Variants in BBS2 observed in about 807,000 individuals in gnomAD.
BBS2 encodes Bardet-Biedl syndrome 2.
A neutral mutation model predicts 83.0 loss-of-function variants in BBS2; 62 were observed. That is an observed-to-expected ratio of 0.75 (90% CI 0.61 to 0.92). BBS2 has a LOEUF of 0.92. BBS2 is among the 40% of genes least tolerant of loss of function. The pLI, the probability that BBS2 is intolerant of heterozygous loss-of-function variation, is 0.00. For synonymous variants in BBS2, 303 were observed against 326.1 expected (o/e 0.93, Z 0.76); for missense variants, 784 against 901.0 (o/e 0.87, Z 1.66).
At chr16:56,519,004 T>C (rs551984073) in intron 1 of BBS2, among the ~76,000 whole-genome samples, 2 of 152,258 alleles carry the variant, frequency 1.3e-5, no homozygotes, top group African/African-American at 4.8e-5. Flanking sequence ...TAAGTTAATT[T>C]TTGTATTGCA....
rs2144162792 is a variant in BBS2 at position 56,506,131 on chromosome 16, A to G, written c.706T>C (p.Trp236Arg). 6.2e-6 allele frequency: 10 copies of G among 1,613,692 alleles called. No individual in the cohort carries two copies. The highest frequency in any genetic ancestry group is 8.5e-6 in the Non-Finnish European group (10 of 1,179,590). The part of the protein sequence containing the change: ...VGVYDKTSRY[W>R]RIKSKNHAMS... ...TAAATTATACTAACTTTAATTCTCCAGTATCGGGATGTTTTGTCATAAACT... is the reference window on the plus strand; with the variant it reads ...TAAATTATACTAACTTTAATTCTCCGGTATCGGGATGTTTTGTCATAAACT... The change falls in exon 6 of 17, where the codon TGG becomes CGG. Residue 236 changes from tryptophan to arginine, a missense_variant. Transcript: ENST00000245157.
chr16:56,479,902 G>A (rs1371823196), downstream of BBS2, among the ~76,000 whole-genome samples: 1 of 152,158 alleles, frequency 6.6e-6, no homozygotes, highest in African/African-American at 2.4e-5. Context: ...CATCCTCACG[G>A]GCTCCAGCCC....
At position 56,501,736 on chromosome 16, in the gene BBS2, T is replaced by C. The variant is rs888907234; in HGVS notation, c.1081-239A>G. On this transcript the variant is annotated intron_variant, in intron 9 of 16. Transcript: ENST00000245157. ...GGGTATGGTCCACTGTATCCCATCATGACTTTAACATTTTTGAAGTATTGT... is the reference window on the plus strand; with the variant it reads ...GGGTATGGTCCACTGTATCCCATCACGACTTTAACATTTTTGAAGTATTGT... 1.3e-5 allele frequency: 7 copies of C among 549,828 alleles called. No homozygotes were observed. In the African/African-American group the frequency reaches 1.3e-4, roughly 10 times the overall value. The allele number at this position is 549,828 out of a possible 1,614,324, so 34.1% of individuals were successfully genotyped here.
chr16:56,476,088 C>G (rs929393934), intron 17 of BBS2: 2 of 1,613,868 alleles, frequency 1.2e-6, no homozygotes, highest in Non-Finnish European at 1.7e-6. Context: ...CATTGGTCTA[C>G]AGAGACAGAG....
chr16:56,496,465 A>G (rs8049949), intron 15 of BBS2, among the ~76,000 whole-genome samples: 25,520 of 152,006 alleles, frequency 0.17, 2,318 homozygotes, highest in East Asian at 0.27. Context: ...TGTTTCCCAA[A>G]CTATAGTTTA....
chr16:56,503,169 C>T (rs541570502), intron 7 of BBS2, among the ~76,000 whole-genome samples: 25 of 152,326 alleles, frequency 1.6e-4, no homozygotes, highest in Non-Finnish European at 2.5e-4. Flanking sequence ...AGCTCTGCCA[C>T]GTACTATCCA....
intron 1 of BBS2, among the ~76,000 whole-genome samples, chr16:56,518,058 C>G (rs1464678493): frequency 6.6e-6 from 1 of 152,156 alleles, no homozygotes; most frequent in Non-Finnish European, 1.5e-5. Context: ...CTCAGATGAT[C>G]TGCCTGCCTC....
intron 5 of BBS2, among the ~76,000 whole-genome samples, chr16:56,507,146 A>G (rs1219793016): frequency 2.0e-5 from 3 of 152,220 alleles, no homozygotes; most frequent in African/African-American, 7.2e-5. Context: ...TCAACTGCCA[A>G]ATGAATCATG....
At chr16:56,479,103 A>AAT (rs1963595378) in intron 17 of BBS2, 2 of 152,304 alleles carry the variant, frequency 1.3e-5, no homozygotes, top group Admixed American at 1.3e-4. Flanking sequence ...TCACCTGTAA[A>AAT]ATATATGGTT....
chr16:56,473,634 G>A (rs1397084846), intron 17 of BBS2, among the ~76,000 whole-genome samples: 3 of 151,226 alleles, frequency 2.0e-5, no homozygotes, highest in African/African-American at 7.3e-5. Flanking sequence ...TATTCTTTAG[G>A]TGGAAATGGC....
At position 56,506,178 on chromosome 16, in the gene BBS2, G is replaced by A; in HGVS notation, c.659C>T (p.Ala220Val). Residue 220 changes from alanine (A) to valine (V), a missense_variant, in exon 6 of 17, where the codon GCC becomes GTC. Transcript: ENST00000245157. ...AACTCCAACTGTGCCATTGGAAAGG[G>A]CATAACCAAATCGACTGCCATACAT... ...CPMYGSRFGYALSNGTVGVYD... is the reference protein window; with the variant it reads ...CPMYGSRFGYVLSNGTVGVYD... The A allele has an allele frequency of 6.2e-7, 1 of 1,613,976 alleles. No homozygotes were observed. The highest frequency in any genetic ancestry group is 1.3e-5 in the African/African-American group (1 of 75,038).
chr16:56,498,746 A>C, intron 12 of BBS2, 178 bp from the exon 13 acceptor site: 1 of 1,497,950 alleles, frequency 6.7e-7, no homozygotes, highest in Non-Finnish European at 8.9e-7. Context: ...ACACCAAGAA[A>C]ATACTAAAAC....
chr16:56,518,935 A>T (rs569480857), intron 1 of BBS2, among the ~76,000 whole-genome samples: 2 of 152,354 alleles, frequency 1.3e-5, no homozygotes, highest in African/African-American at 4.8e-5. Flanking sequence ...ATACTTAGTG[A>T]ATAAATTACG....
At chr16:56,516,703 T>C (rs1286169084) in intron 1 of BBS2, among the ~76,000 whole-genome samples, 2 of 152,138 alleles carry the variant, frequency 1.3e-5, no homozygotes, top group Non-Finnish European at 2.9e-5. Flanking sequence ...CAGAGATTCC[T>C]TTTAAAAAAA....
At chr16:56,496,193 AT>A (rs1269734342) in intron 15 of BBS2, among the ~76,000 whole-genome samples, 10 of 152,048 alleles carry the variant, frequency 6.6e-5, no homozygotes, top group African/African-American at 2.4e-4. Context: ...ATTTTACTGA[AT>A]TTTTTTCAGT....
At chr16:56,488,057 G>A (rs571139825) in intron 15 of BBS2, among the ~76,000 whole-genome samples, 1 of 152,166 alleles carries the variant, frequency 6.6e-6, no homozygotes, top group Non-Finnish European at 1.5e-5. Flanking sequence ...ACTAAAAGTA[G>A]TATACAGTAG....
intron 13 of BBS2, 85 bp downstream of exon 13, chr16:56,498,352 T>C: frequency 6.5e-7 from 1 of 1,529,800 alleles, no homozygotes; most frequent in Non-Finnish European, 9.0e-7. Context: ...ACATGAGAAA[T>C]CTATGCCCCT....
chr16:56,484,656 C>T lies in BBS2; in HGVS notation c.*105G>A, dbSNP rs564997942. ...TTGTACAACTCACCAAGGTTATTTT[C>T]ATTCTTAGCACCCGGGGTTCACCAG... On this transcript the variant is annotated 3_prime_UTR_variant, in exon 17 of 17. Transcript: ENST00000245157. 9 of 887,826 alleles carry T rather than the reference C, an allele frequency of 1.0e-5. No individual in the cohort carries two copies. The East Asian group carries it at 2.4e-4, about 23-fold the overall frequency. 55.0% of individuals were successfully genotyped at this position (887,826 alleles called of 1,614,324 possible).
At chr16:56,509,845 TC>T (rs1555523343) in intron 5 of BBS2, 111 bp downstream of exon 5, 5 of 1,105,842 alleles carry the variant, frequency 4.5e-6, no homozygotes, top group Non-Finnish European at 2.8e-6. Flanking sequence ...CAAGCTTTTA[TC>T]CTAAAACCAC....
Sources: allele counts gnomAD v4.1 joint callset (sites outside exome capture counted in the v4.1 genomes callset), GRCh38; gene constraint gnomAD v4.1.1; transcripts MANE v1.5; gene names NCBI Gene and HGNC (gene_info 2026-07-23, HGNC 2026-07-21).